Variants in MSRB3 observed in about 807,000 individuals in gnomAD.
The protein encoded by MSRB3 is methionine-R-sulfoxide reductase B3.
MSRB3 carries 13 observed loss-of-function variants against 21.0 expected under a neutral mutation model. The ratio of observed to expected loss-of-function variants is 0.62; its 90% CI spans 0.40 to 0.98. The LOEUF (loss-of-function observed/expected upper bound fraction) is 0.98, where lower values mean the gene tolerates loss of function less well. Ranked by LOEUF, MSRB3 falls within the 50% of genes least tolerant of loss-of-function variation. The probability of loss-of-function intolerance (pLI) is 0.00; values close to 1 mark genes in which losing one functional copy is unlikely to be tolerated. For missense variants in MSRB3, 199 were observed against 230.3 expected (o/e 0.86, Z 0.88); for synonymous variants, 87 against 88.6 (o/e 0.98, Z 0.10).
In MSRB3 at chr12:65,295,595, C is replaced by T. The variant is rs535200611; in HGVS notation, c.-51-12934C>T. On this transcript the variant is annotated intron_variant, in intron 1 of 6. Coordinates refer to ENST00000308259, the MANE Select transcript of MSRB3 (RefSeq NM_001031679.3). ...GGGAAAGATGTATGGCTGTTTATTT[C>T]CTGAGCCCTTCTGTTATCTGAGGAA... 4.6e-5 allele frequency among the ~76,000 whole-genome samples: 7 copies of T among 151,274 alleles called. No homozygotes were observed. In the East Asian group the frequency reaches 9.7e-4, roughly 21 times the overall value.
chr12:65,440,758 G>A (rs915550154), intron 5 of MSRB3, among the ~76,000 whole-genome samples: 2 of 151,860 alleles, frequency 1.3e-5, no homozygotes, highest in African/African-American at 4.8e-5. Context: ...AAATACTTGA[G>A]AGGTGATGTT....
intron 5 of MSRB3, among the ~76,000 whole-genome samples, chr12:65,384,881 C>G (rs1167326910): frequency 1.3e-5 from 2 of 152,024 alleles, no homozygotes; most frequent in Non-Finnish European, 2.9e-5. Context: ...TGGAAACAGG[C>G]CATTTTAGAA....
chr12:65,321,758 A>C (rs1251761166), intron 2 of MSRB3, among the ~76,000 whole-genome samples: 1 of 152,200 alleles, frequency 6.6e-6, no homozygotes, highest in African/African-American at 2.4e-5. Flanking sequence ...CTAACACTAT[A>C]CTATGCCTGA....
intron 5 of MSRB3, among the ~76,000 whole-genome samples, chr12:65,452,372 A>G (rs1183424092): frequency 6.6e-6 from 1 of 152,182 alleles, no homozygotes; most frequent in African/African-American, 2.4e-5. Flanking sequence ...TTCTATTATT[A>G]ACAAAGAAGA....
chr12:65,395,442 G>C (rs767172172), intron 5 of MSRB3, among the ~76,000 whole-genome samples: 2 of 152,002 alleles, frequency 1.3e-5, no homozygotes, highest in Non-Finnish European at 2.9e-5. Context: ...CTGCAGCCTG[G>C]GTGACAGAGT....
rs540890145 is a variant in MSRB3 at position 65,310,042 on chromosome 12, GT to G, written c.76+1390del. ...GGAGGTCAGTGCTGGTTTTTCAGATGTTTCTGTGAGAGAGGCTGGGATGGCA... is the reference window on the plus strand; with the variant it reads ...GGAGGTCAGTGCTGGTTTTTCAGATGTTCTGTGAGAGAGGCTGGGATGGCA... On this transcript the variant is annotated intron_variant, in intron 2 of 6. Transcript: ENST00000308259. Among the ~76,000 whole-genome samples, 272 of 152,290 alleles carry G rather than the reference GT, an allele frequency of 1.8e-3. 2 individuals carry two copies. Among genetic ancestry groups the G allele is most frequent in the African/African-American group, 6.3e-3 (261 of 41,576 alleles).
intron 1 of MSRB3, chr12:65,279,208 G>T: frequency 2.0e-6 from 1 of 490,568 alleles, no homozygotes; most frequent in Non-Finnish European, 3.0e-6. Flanking sequence ...GGATCTGGCG[G>T]GGCAGCCCGC....
At chr12:65,412,022 A>G (rs1592612085) in intron 5 of MSRB3, among the ~76,000 whole-genome samples, 2 of 152,124 alleles carry the variant, frequency 1.3e-5, no homozygotes, top group African/African-American at 2.4e-5. Context: ...GGGAGAACCT[A>G]TTGAAGAATC....
intron 1 of MSRB3, among the ~76,000 whole-genome samples, chr12:65,296,107 C>T (rs1025487844): frequency 6.6e-6 from 1 of 152,150 alleles, no homozygotes; most frequent in Non-Finnish European, 1.5e-5. Context: ...TTACATCACT[C>T]TATATGATTC....
intron 5 of MSRB3, among the ~76,000 whole-genome samples, chr12:65,445,761 T>G (rs2136688791): frequency 6.6e-6 from 1 of 151,544 alleles, no homozygotes; most frequent in African/African-American, 2.4e-5. Flanking sequence ...TTCTCCCACC[T>G]CAGCCTCCAG....
At chr12:65,413,725 T>G (rs1431668083) in intron 5 of MSRB3, among the ~76,000 whole-genome samples, 1 of 152,000 alleles carries the variant, frequency 6.6e-6, no homozygotes, top group East Asian at 1.9e-4. Flanking sequence ...GGCAGACAAT[T>G]AAAGAAATGC....
At chr12:65,441,146 AT>A (rs1213900680) in intron 5 of MSRB3, among the ~76,000 whole-genome samples, 4 of 151,898 alleles carry the variant, frequency 2.6e-5, no homozygotes, top group Non-Finnish European at 4.4e-5. Context: ...TCTTCATGTG[AT>A]GACATCTAAT....
In MSRB3 at chr12:65,466,512, G is replaced by A. The variant is rs764913917; in HGVS notation, c.*3190G>A. On this transcript the variant is annotated 3_prime_UTR_variant, in exon 7 of 7. Transcript: ENST00000308259. ...AGCTCTTACTGTACCATTAGAAGAT[G>A]CAGAATTCTGTTGGTGTGCAAAAAG... 3 of 152,168 alleles carry A rather than the reference G, an allele frequency of 2.0e-5. No individual in the cohort carries two copies. The highest frequency in any genetic ancestry group is 6.5e-5 in the Admixed American group (1 of 15,276). The allele number at this position is 152,168 out of a possible 1,614,324, so 9.4% of individuals were successfully genotyped here.
chr12:65,431,415 T>A (rs1301895079), intron 5 of MSRB3, among the ~76,000 whole-genome samples: 1 of 152,038 alleles, frequency 6.6e-6, no homozygotes, highest in Non-Finnish European at 1.5e-5. Flanking sequence ...TTAGGCCCGT[T>A]TCTGTCTATT....
chr12:65,326,902 G>A lies in MSRB3; in HGVS notation c.153G>A (p.Gln51=), dbSNP rs1305816915. The A allele has an allele frequency of 6.2e-7, 1 of 1,613,878 alleles. No homozygotes were observed. The highest frequency in any genetic ancestry group is 8.5e-7 in the Non-Finnish European group (1 of 1,179,836). The change falls in exon 3 of 7, where the codon CAG becomes CAA. Residue 51 remains glutamine, a synonymous_variant. Coordinates refer to ENST00000308259, the MANE Select transcript of MSRB3 (RefSeq NM_001031679.3). ...QELRKRLTPL[Q]YHVTQEKGTE... ...TGAGGAAGCGGCTAACACCCCTGCAGTACCATGTCACTCAGGAGAAAGGGA... is the reference window on the plus strand; with the variant it reads ...TGAGGAAGCGGCTAACACCCCTGCAATACCATGTCACTCAGGAGAAAGGGA...
At position 65,363,340 on chromosome 12, in the gene MSRB3, T is replaced by G. The variant is rs1460990682; in HGVS notation, c.264-5658T>G. Among the ~76,000 whole-genome samples, 5 of 152,200 alleles carry G rather than the reference T, an allele frequency of 3.3e-5. 1 individual carries two copies. Among genetic ancestry groups the G allele is most frequent in the Admixed American group, 3.3e-4 (5 of 15,268 alleles). On this transcript the variant is annotated intron_variant, in intron 4 of 6. Transcript: ENST00000308259. ...TTGGCTTCAATACACATAGAATTTTTGTGGACACTGGGCTATTCTCTGCAA... is the reference window on the plus strand; with the variant it reads ...TTGGCTTCAATACACATAGAATTTTGGTGGACACTGGGCTATTCTCTGCAA...
chr12:65,395,445 G>A (rs1565871500), intron 5 of MSRB3, among the ~76,000 whole-genome samples: 1 of 151,438 alleles, frequency 6.6e-6, no homozygotes, highest in East Asian at 1.9e-4. Context: ...CAGCCTGGGT[G>A]ACAGAGTGAG....
At chr12:65,437,652 C>T (rs73121347) in intron 5 of MSRB3, among the ~76,000 whole-genome samples, 6,258 of 151,850 alleles carry the variant, frequency 0.041, 195 homozygotes, top group Non-Finnish European at 0.068. Flanking sequence ...AAAAAAAAGC[C>T]AGCTGTCATG....
intron 4 of MSRB3, among the ~76,000 whole-genome samples, chr12:65,331,959 A>C (rs1875451171): frequency 1.3e-5 from 2 of 152,232 alleles, no homozygotes; most frequent in South Asian, 2.1e-4. Context: ...TTAAGCAAGC[A>C]TCCTGAAACC....
Sources: allele counts gnomAD v4.1 joint callset (sites outside exome capture counted in the v4.1 genomes callset), GRCh38; gene constraint gnomAD v4.1.1; transcripts MANE v1.5; gene names NCBI Gene and HGNC (gene_info 2026-07-23, HGNC 2026-07-21).